Variants in SAMD4A observed in about 807,000 individuals in gnomAD.
SAMD4A encodes the protein sterile alpha motif domain containing 4A.
Under a neutral mutation model 81.3 loss-of-function variants are expected in SAMD4A, and 33 were observed. That is an observed-to-expected ratio of 0.41 (90% CI 0.31 to 0.54). The LOEUF (loss-of-function observed/expected upper bound fraction) is 0.54. Among genes scored for constraint, SAMD4A ranks in the 20% least tolerant of loss-of-function variants. The pLI, the probability that SAMD4A is intolerant of heterozygous loss-of-function variation, is 0.37. For missense variants in SAMD4A, 854 were observed against 951.1 expected (o/e 0.90, Z 1.34); for synonymous variants, 389 against 382.1 (o/e 1.02, Z -0.21).
chr14:54,764,981 T>G (rs980266871), intron 8 of SAMD4A, among the ~76,000 whole-genome samples: 13 of 152,204 alleles, frequency 8.5e-5, no homozygotes, highest in African/African-American at 3.1e-4. Flanking sequence ...TGTGTGTGTG[T>G]GTTTGGGCTT....
intron 7 of SAMD4A, among the ~76,000 whole-genome samples, chr14:54,761,751 A>G (rs151232890): frequency 6.6e-6 from 1 of 152,136 alleles, no homozygotes. Flanking sequence ...CACCTGGGTC[A>G]TGCCTCCTTC....
chr14:54,687,176 GTTT>G, intron 2 of SAMD4A: 1 of 357,586 alleles, frequency 2.8e-6, no homozygotes, highest in South Asian at 2.2e-5. Flanking sequence ...GATGACCTTT[GTTT>G]TTTAGATTAT....
intron 2 of SAMD4A, among the ~76,000 whole-genome samples, chr14:54,574,798 G>A (rs978733160): frequency 2.0e-5 from 3 of 152,168 alleles, no homozygotes; most frequent in Non-Finnish European, 4.4e-5. Flanking sequence ...ATAAAGTGTC[G>A]TAGACCAGTT....
Position 54,737,166 on chromosome 14 carries a change from C to T in SAMD4A, c.858C>T (p.Ser286=), listed in dbSNP as rs868207407. The T allele has an allele frequency of 5.6e-6, 9 of 1,613,968 alleles. No individual in the cohort carries two copies. Among genetic ancestry groups the T allele is most frequent in the African/African-American group, 2.7e-5 (2 of 74,882 alleles). Residue 286 remains serine, a synonymous_variant, in exon 4 of 13, where the codon TCC becomes TCT. Transcript: ENST00000554335. ...LRARGPQCLP[S]DHAPLSPQSS... ...CTAGAGGACCCCAGTGCCTCCCATC[C>T]GATCATGCCCCCCTGTCTCCACAAA... is the stretch of plus-strand genomic sequence containing the variant.
intron 12 of SAMD4A, among the ~76,000 whole-genome samples, chr14:54,788,352 G>A (rs1442196902): frequency 6.6e-6 from 1 of 152,036 alleles, no homozygotes; most frequent in Admixed American, 6.5e-5. Context: ...GCCCCTGCCT[G>A]GCTCTTCCAC....
intron 2 of SAMD4A, among the ~76,000 whole-genome samples, chr14:54,677,477 T>A (rs1202824490): frequency 6.6e-6 from 1 of 152,234 alleles, no homozygotes; most frequent in South Asian, 2.1e-4. Context: ...AATGTACGCC[T>A]GGTTAATGGA....
At chr14:54,722,987 C>T (rs998887412) in intron 3 of SAMD4A, among the ~76,000 whole-genome samples, 3 of 152,096 alleles carry the variant, frequency 2.0e-5, no homozygotes, top group Admixed American at 6.6e-5. Flanking sequence ...GAATGAAAAG[C>T]TCTATACCAA....
intron 2 of SAMD4A, among the ~76,000 whole-genome samples, chr14:54,606,183 CTGTGTGTGTGTGTG>C (rs57209362): frequency 6.8e-6 from 1 of 146,570 alleles, no homozygotes; most frequent in Non-Finnish European, 1.5e-5. Flanking sequence ...TACTTCTGGG[CTGTGTGTGTGTGTG>C]TGTGTGTGTG....
rs2032977780 is a variant in SAMD4A at position 54,567,602 on chromosome 14, G to A, written c.-315G>A. 5.7e-6 allele frequency: 2 copies of A among 353,520 alleles called. No homozygotes were observed. The highest frequency in any genetic ancestry group is 2.2e-5 in the African/African-American group (1 of 45,510). 21.9% of individuals were successfully genotyped at this position (353,520 alleles called of 1,614,324 possible). The stretch of plus-strand genomic sequence containing the variant: ...CACCATCCCAAAGCTGCAAGAAGGG[G>A]GGAGAAAGCATTCTTCATTCAGTTG... On this transcript the variant is annotated 5_prime_UTR_variant, in exon 2 of 13. Coordinates refer to ENST00000554335, the MANE Select transcript of SAMD4A (RefSeq NM_015589.6).
intron 11 of SAMD4A, among the ~76,000 whole-genome samples, chr14:54,776,966 G>T (rs2038869961): frequency 6.6e-6 from 1 of 152,074 alleles, no homozygotes; most frequent in Non-Finnish European, 1.5e-5. Context: ...TTCTTGCAAA[G>T]TGATGACTGT....
intron 7 of SAMD4A, among the ~76,000 whole-genome samples, chr14:54,762,486 C>G (rs1446628291): frequency 6.6e-6 from 1 of 152,162 alleles, no homozygotes; most frequent in East Asian, 1.9e-4. Flanking sequence ...GCTTGATGGC[C>G]AGGGTGGGCC....
At chr14:54,772,976 G>A (rs554407565) in intron 9 of SAMD4A, among the ~76,000 whole-genome samples, 129 of 152,224 alleles carry the variant, frequency 8.5e-4, no homozygotes, top group Admixed American at 2.7e-3. Flanking sequence ...TCGTAAAAAT[G>A]AAAACGAAAT....
At position 54,768,125 on chromosome 14, in the gene SAMD4A, G is replaced by T. The variant is rs559818399; in HGVS notation, c.1597-1979G>T. ...GAAACTCAGGCCAGTTGTCCTTCAG[G>T]CTGGCACCAGACCAGCTCAGTATTA... On this transcript the variant is annotated intron_variant, in intron 8 of 12. Coordinates refer to ENST00000554335, the MANE Select transcript of SAMD4A (RefSeq NM_015589.6). Among the ~76,000 whole-genome samples the T allele has an allele frequency of 3.9e-5, 6 of 152,280 alleles. No homozygotes were observed. The South Asian group carries it at 1.0e-3, about 26-fold the overall frequency.
At chr14:54,595,460 A>G (rs928635444) in intron 2 of SAMD4A, among the ~76,000 whole-genome samples, 1 of 148,884 alleles carries the variant, frequency 6.7e-6, no homozygotes, top group Non-Finnish European at 1.5e-5. Flanking sequence ...TATATACTGT[A>G]TGTATATATA....
chr14:54,589,697 C>T (rs1030557526), intron 2 of SAMD4A, among the ~76,000 whole-genome samples: 3 of 152,190 alleles, frequency 2.0e-5, no homozygotes, highest in Non-Finnish European at 4.4e-5. Flanking sequence ...CAGCTGTATA[C>T]AAGACACAGT....
chr14:54,779,107 T>G (rs1008686860), intron 11 of SAMD4A, among the ~76,000 whole-genome samples: 1 of 151,330 alleles, frequency 6.6e-6, no homozygotes, highest in South Asian at 2.1e-4. Context: ...CAGAGCCGCT[T>G]CTGCTCTTCC....
intron 2 of SAMD4A, among the ~76,000 whole-genome samples, chr14:54,700,090 A>G (rs1451023407): frequency 6.6e-6 from 1 of 151,974 alleles, no homozygotes; most frequent in Non-Finnish European, 1.5e-5. Context: ...GTTTCTCTAT[A>G]TTTTGTTTTT....
At chr14:54,654,618 A>T (rs1446178895) in intron 2 of SAMD4A, among the ~76,000 whole-genome samples, 1 of 152,238 alleles carries the variant, frequency 6.6e-6, no homozygotes, top group Non-Finnish European at 1.5e-5. Context: ...CTTTCATGAA[A>T]GAACAGGCAC....
At chr14:54,599,110 G>A (rs2033988073) in intron 2 of SAMD4A, among the ~76,000 whole-genome samples, 1 of 152,172 alleles carries the variant, frequency 6.6e-6, no homozygotes, top group Non-Finnish European at 1.5e-5. Context: ...ATGAGCCAGT[G>A]CACCTGGCCC....
Sources: gnomAD v4.1 joint callset for allele counts (sites outside exome capture counted in the v4.1 genomes callset) on GRCh38, gnomAD v4.1.1 for gene constraint, MANE v1.5 for transcripts, NCBI Gene and HGNC (gene_info 2026-07-23, HGNC 2026-07-21) for gene names.